The following LINGO2 variants were observed in gnomAD, a reference collection of about 807,000 sequenced individuals.
LINGO2 encodes the protein leucine rich repeat and Ig domain containing 2, also known as leucine-rich repeat and immunoglobulin-like domain-containing nogo receptor-interacting protein 2.
LINGO2 carries 14 observed loss-of-function variants against 30.6 expected under a neutral mutation model. The ratio of observed to expected loss-of-function variants is 0.46; its 90% CI spans 0.30 to 0.72. LINGO2 has a LOEUF of 0.72. Ranked by LOEUF, LINGO2 falls within the 30% of genes least tolerant of loss-of-function variation. LINGO2 has a pLI of 0.07. For missense variants in LINGO2, 729 were observed against 751.7 expected (o/e 0.97, Z 0.35); for synonymous variants, 317 against 288.5 (o/e 1.10, Z -1.00).
the LINGO2 span, among the ~76,000 whole-genome samples, chr9:28,700,116 G>C: frequency 6.6e-6 from 1 of 151,808 alleles, no homozygotes; most frequent in African/African-American, 2.4e-5. Flanking sequence ...TGGTTTTGTG[G>C]CTCAGGTGGG....
At chr9:28,201,166 C>A (rs1191171000) in intron 4 of LINGO2, among the ~76,000 whole-genome samples, 1 of 149,112 alleles carries the variant, frequency 6.7e-6, no homozygotes, top group South Asian at 2.1e-4. Flanking sequence ...CATGCTGGTG[C>A]GCTGCACCCA....
chr9:28,765,999 A>T, the LINGO2 span, among the ~76,000 whole-genome samples: 1 of 152,092 alleles, frequency 6.6e-6, no homozygotes, highest in Non-Finnish European at 1.5e-5. Context: ...AAAAAGCCTT[A>T]AAAAACAGAG....
At chr9:28,422,667 TG>T (rs1372277040) in intron 2 of LINGO2, among the ~76,000 whole-genome samples, 3 of 152,076 alleles carry the variant, frequency 2.0e-5, no homozygotes, top group Admixed American at 6.6e-5. Flanking sequence ...AATTCTACTC[TG>T]AGTATATATG....
the LINGO2 span, among the ~76,000 whole-genome samples, chr9:29,094,587 T>C: frequency 7.2e-6 from 1 of 138,854 alleles, no homozygotes. Context: ...ACCAGCTACA[T>C]GTACTGTTAA....
chr9:28,549,849 T>C (rs1264008270), intron 1 of LINGO2, among the ~76,000 whole-genome samples: 1 of 151,864 alleles, frequency 6.6e-6, no homozygotes, highest in Non-Finnish European at 1.5e-5. Context: ...TCATACTCTT[T>C]AATAGTTCTC....
intron 5 of LINGO2, among the ~76,000 whole-genome samples, chr9:27,997,399 T>A (rs1317479789): frequency 6.6e-6 from 1 of 151,010 alleles, no homozygotes; most frequent in Non-Finnish European, 1.5e-5. Context: ...TGCTCCCCCC[T>A]CCCCCCGTCA....
the LINGO2 span, among the ~76,000 whole-genome samples, chr9:29,052,351 A>G: frequency 2.0e-5 from 3 of 152,206 alleles, no homozygotes; most frequent in Non-Finnish European, 1.5e-5. Context: ...TTGCTGCTAT[A>G]GAACTGTAAG....
At chr9:28,495,002 T>A (rs1375360385) in intron 1 of LINGO2, among the ~76,000 whole-genome samples, 1 of 152,252 alleles carries the variant, frequency 6.6e-6, no homozygotes, top group Non-Finnish European at 1.5e-5. Context: ...GTCTGTTGGC[T>A]GCATAAATGT....
intron 1 of LINGO2, among the ~76,000 whole-genome samples, chr9:28,644,642 T>C (rs1827754276): frequency 1.3e-5 from 2 of 151,684 alleles, no homozygotes; most frequent in East Asian, 1.9e-4. Flanking sequence ...CAGGTGACTA[T>C]AGGCAATAAT....
intron 4 of LINGO2, among the ~76,000 whole-genome samples, chr9:28,193,824 A>C (rs952536794): frequency 1.3e-5 from 2 of 152,162 alleles, no homozygotes; most frequent in African/African-American, 4.8e-5. Context: ...CAGAGACTGG[A>C]GTAACTAGGA....
At chr9:28,008,663 T>TC (rs1273671334) in intron 5 of LINGO2, among the ~76,000 whole-genome samples, 24 of 151,992 alleles carry the variant, frequency 1.6e-4, no homozygotes, top group African/African-American at 5.8e-4. Flanking sequence ...AAAATGAAAT[T>TC]TAAAAAATTG....
At chr9:27,947,818 T>C (rs768155359), downstream of LINGO2, among the ~76,000 whole-genome samples, 1 of 152,244 alleles carries the variant, frequency 6.6e-6, no homozygotes, top group African/African-American at 2.4e-5. Context: ...AACATCTGAA[T>C]TCTTGATCTT....
chr9:28,722,430 T>A, the LINGO2 span, among the ~76,000 whole-genome samples: 1 of 152,100 alleles, frequency 6.6e-6, no homozygotes, highest in Admixed American at 6.6e-5. Flanking sequence ...CTAACAAACG[T>A]CAAAGTTGTA....
chr9:28,920,623 A>T, the LINGO2 span, among the ~76,000 whole-genome samples: 1 of 152,174 alleles, frequency 6.6e-6, no homozygotes, highest in African/African-American at 2.4e-5. Flanking sequence ...GAATTTTCTT[A>T]TGTAGTAATG....
At chr9:28,274,306 T>A (rs1486705751) in intron 4 of LINGO2, among the ~76,000 whole-genome samples, 1 of 152,164 alleles carries the variant, frequency 6.6e-6, no homozygotes, top group African/African-American at 2.4e-5. Flanking sequence ...ATAGTAATTT[T>A]AAAAAAGTAA....
chr9:28,481,242 A>C (rs1825951828), intron 1 of LINGO2, among the ~76,000 whole-genome samples: 1 of 152,174 alleles, frequency 6.6e-6, no homozygotes, highest in Non-Finnish European at 1.5e-5. Flanking sequence ...ATTCATGCTC[A>C]GAAAAAATAT....
At chr9:28,575,953 T>C (rs370240633) in intron 1 of LINGO2, among the ~76,000 whole-genome samples, 112 of 107,694 alleles carry the variant, frequency 1.0e-3, no homozygotes, top group Admixed American at 2.5e-3. Context: ...CACACACACA[T>C]ACATATCCCC....
chr9:28,236,152 C>A (rs192674883), intron 4 of LINGO2, among the ~76,000 whole-genome samples: 23 of 152,168 alleles, frequency 1.5e-4, no homozygotes, highest in Middle Eastern at 3.4e-3. Context: ...TCAGTGGAAA[C>A]CTTACAGGCC....
At chr9:27,968,616 T>C (rs1220813663) in intron 5 of LINGO2, among the ~76,000 whole-genome samples, 1 of 151,888 alleles carries the variant, frequency 6.6e-6, no homozygotes, top group Non-Finnish European at 1.5e-5. Context: ...TAAAAAATGT[T>C]TTCAATGCGC....
Sources: gnomAD v4.1 joint callset for allele counts (sites outside exome capture counted in the v4.1 genomes callset) on GRCh38, gnomAD v4.1.1 for gene constraint, MANE v1.5 for transcripts, NCBI Gene and HGNC (gene_info 2026-07-23, HGNC 2026-07-21) for gene names.